Variants in NXPE4 observed in about 807,000 individuals in gnomAD.
NXPE4 encodes neurexophilin and PC-esterase domain family member 4.
Under a neutral mutation model 33.3 loss-of-function variants are expected in NXPE4, and 42 were observed. That is an observed-to-expected ratio of 1.26 (90% CI 0.98 to 1.63). NXPE4 has a LOEUF of 1.63. Ranked by LOEUF, NXPE4 falls within the 40% of genes most tolerant of loss-of-function variation. The probability of loss-of-function intolerance (pLI) is 0.00; values close to 1 mark genes in which losing one functional copy is unlikely to be tolerated. For synonymous variants in NXPE4, 253 were observed against 234.9 expected (o/e 1.08, Z -0.71); for missense variants, 709 against 647.6 (o/e 1.09, Z -1.03).
the NXPE4 span, among the ~76,000 whole-genome samples, chr11:114,663,614 T>TATC: frequency 6.4e-4 from 63 of 98,366 alleles, no homozygotes; most frequent in Non-Finnish European, 1.1e-3. Context: ...TCTATCTATC[T>TATC]ATCTATCTAT....
the NXPE4 span, among the ~76,000 whole-genome samples, chr11:114,632,238 A>C: frequency 7.1e-6 from 1 of 140,468 alleles, no homozygotes; most frequent in African/African-American, 2.6e-5. Context: ...TATAATATAT[A>C]TGTATATGTG....
At chr11:114,613,690 G>A in the NXPE4 span, among the ~76,000 whole-genome samples, 155 of 151,870 alleles carry the variant, frequency 1.0e-3, no homozygotes, top group Middle Eastern at 3.4e-3. Flanking sequence ...GTGTTGCCTC[G>A]TGGGGAGCCA....
Position 114,571,459 on chromosome 11 carries a change from C to A in NXPE4, c.1114G>T (p.Asp372Tyr), listed in dbSNP as rs1280155146. 6.2e-7 allele frequency: 1 copy of A among 1,606,376 alleles called. No homozygotes were observed. The highest frequency in any genetic ancestry group is 8.5e-7 in the Non-Finnish European group (1 of 1,174,380). Residue 372 changes from aspartate to tyrosine, a missense_variant, in exon 6 of 6, where the codon GAT (aspartate) becomes TAT (tyrosine). Asp to Tyr is a radical substitution (Grantham distance 160). Coordinates refer to ENST00000375478, the MANE Select transcript of NXPE4 (RefSeq NM_001077639.2). ...TGCAATTTTCCAGATTCATGCAGAT[C>A]CACTGACTTCAGTGCTGATAACAAA... Reference protein sequence around the residue: ...KASINTLKSVDLHESGKLQHQ... With the variant: ...KASINTLKSVYLHESGKLQHQ...
chr11:114,630,930 C>T, the NXPE4 span, among the ~76,000 whole-genome samples: 8 of 150,790 alleles, frequency 5.3e-5, no homozygotes, highest in East Asian at 1.5e-3. Context: ...AAAATGCTCA[C>T]CATCACTGGC....
intron 3 of NXPE4, 103 bp from the exon 4 acceptor site, chr11:114,581,889 C>A: frequency 1.3e-6 from 1 of 786,902 alleles, no homozygotes; most frequent in South Asian, 1.6e-5. Flanking sequence ...AGAGATAAGT[C>A]AATTATTATG....
rs190710429 is a variant in NXPE4 at position 114,573,142 on chromosome 11, T to C, written c.1100-1669A>G. ...TCGTAAATGAAGAAAAGATAGTCTT[T>C]TCGAGACAAATGCTGACAGAATTTG... On this transcript the variant is annotated intron_variant, in intron 5 of 5. Transcript: ENST00000375478. Among the ~76,000 whole-genome samples, 68 of 152,216 alleles carry C rather than the reference T, an allele frequency of 4.5e-4. 2 individuals carry two copies. Among genetic ancestry groups the C allele is most frequent in the Middle Eastern group, 6.8e-3 (2 of 294 alleles).
the NXPE4 span, among the ~76,000 whole-genome samples, chr11:114,600,793 C>T: frequency 1.3e-5 from 2 of 151,986 alleles, no homozygotes; most frequent in African/African-American, 2.4e-5. Flanking sequence ...GATTATTATG[C>T]AAGATGTTAT....
chr11:114,662,719 GAT>G, the NXPE4 span, among the ~76,000 whole-genome samples: 2 of 152,078 alleles, frequency 1.3e-5, no homozygotes, highest in Admixed American at 6.5e-5. Flanking sequence ...GTCACAGCAG[GAT>G]AGGGTATGGG....
At chr11:114,631,936 A>G in the NXPE4 span, among the ~76,000 whole-genome samples, 1 of 150,968 alleles carries the variant, frequency 6.6e-6, no homozygotes, top group East Asian at 1.9e-4. Context: ...TGGATAATAA[A>G]TATTGCCTTG....
At chr11:114,597,551 T>C (rs1949588571), upstream of NXPE4, among the ~76,000 whole-genome samples, 1 of 152,196 alleles carries the variant, frequency 6.6e-6, no homozygotes, top group South Asian at 2.1e-4. Context: ...CACACAGATG[T>C]ATATTTTCAA....
the NXPE4 span, among the ~76,000 whole-genome samples, chr11:114,607,483 A>T: frequency 1.8e-4 from 27 of 148,294 alleles, no homozygotes; most frequent in South Asian, 5.2e-3. Flanking sequence ...TCATGGGTGA[A>T]CACCATTACC....
chr11:114,652,571 C>T, the NXPE4 span, among the ~76,000 whole-genome samples: 1 of 152,194 alleles, frequency 6.6e-6, no homozygotes, highest in South Asian at 2.1e-4. Flanking sequence ...AAATGCTTAA[C>T]ACAGTGAGTG....
chr11:114,667,325 A>G, the NXPE4 span, among the ~76,000 whole-genome samples: 1 of 152,186 alleles, frequency 6.6e-6, no homozygotes, highest in Non-Finnish European at 1.5e-5. Context: ...ATTATATTTA[A>G]TAACTAAACA....
chr11:114,612,120 G>A, the NXPE4 span, among the ~76,000 whole-genome samples: 1,179 of 151,270 alleles, frequency 7.8e-3, 8 homozygotes, highest in Non-Finnish European at 0.013. Flanking sequence ...GTTACCTGGT[G>A]GATAATAATT....
the NXPE4 span, among the ~76,000 whole-genome samples, chr11:114,602,303 CT>C: frequency 8.7e-6 from 1 of 114,392 alleles, no homozygotes; most frequent in Non-Finnish European, 1.7e-5. Context: ...ATAACATATA[CT>C]ATATATAATA....
chr11:114,611,513 G>A, the NXPE4 span, among the ~76,000 whole-genome samples: 1 of 151,942 alleles, frequency 6.6e-6, no homozygotes, highest in East Asian at 1.9e-4. Flanking sequence ...TGCCTCATGA[G>A]TAACCACTGT....
the NXPE4 span, among the ~76,000 whole-genome samples, chr11:114,608,684 C>T: frequency 6.6e-6 from 1 of 151,546 alleles, no homozygotes; most frequent in African/African-American, 2.4e-5. Context: ...AGCATTGCCT[C>T]CCAGGTAACC....
the NXPE4 span, among the ~76,000 whole-genome samples, chr11:114,617,862 C>A: frequency 6.6e-6 from 1 of 152,058 alleles, no homozygotes; most frequent in East Asian, 1.9e-4. Context: ...ATAAGTATTG[C>A]CTCATGGGTA....
At chr11:114,663,667 C>CTATTT in the NXPE4 span, among the ~76,000 whole-genome samples, 2 of 84,568 alleles carry the variant, frequency 2.4e-5, no homozygotes, top group South Asian at 9.1e-4. Flanking sequence ...ATTTATCTAT[C>CTATTT]ATCTATCTAT....
Sources: allele counts gnomAD v4.1 joint callset (sites outside exome capture counted in the v4.1 genomes callset), GRCh38; gene constraint gnomAD v4.1.1; transcripts MANE v1.5; gene names NCBI Gene and HGNC (gene_info 2026-07-23, HGNC 2026-07-21).